The following GRXCR2 variants were observed in gnomAD, a reference collection of about 807,000 sequenced individuals.
The protein encoded by GRXCR2 is glutaredoxin domain-containing cysteine-rich protein 2.
GRXCR2 carries 23 observed loss-of-function variants against 24.8 expected under a neutral mutation model. That is an observed-to-expected ratio of 0.93 (90% CI 0.67 to 1.32). The LOEUF is 1.32. Among genes scored for constraint, GRXCR2 ranks in the 40% most tolerant of loss-of-function variants. GRXCR2 has a pLI of 0.00. For synonymous variants in GRXCR2, 130 were observed against 116.1 expected, an observed-to-expected ratio of 1.12 and a Z score of -0.77; for missense variants, 315 against 303.4, an observed-to-expected ratio of 1.04 and a Z score of -0.28.
intron 2 of GRXCR2, among the ~76,000 whole-genome samples, chr5:145,884,463 G>A (rs937621652): frequency 1.3e-5 from 2 of 152,126 alleles, no homozygotes; most frequent in African/African-American, 2.4e-5. Context: ...TCTTAGGCAA[G>A]ATAATGTTAT....
chr5:145,891,921 C>A (rs923943223), intron 2 of GRXCR2, among the ~76,000 whole-genome samples: 1 of 152,140 alleles, frequency 6.6e-6, no homozygotes, highest in Non-Finnish European at 1.5e-5. Context: ...GCCGGGTACT[C>A]CTCTGAGACA....
At chr5:145,876,535 A>G (rs1052454666), upstream of GRXCR2, among the ~76,000 whole-genome samples, 85 of 152,224 alleles carry the variant, frequency 5.6e-4, no homozygotes, top group African/African-American at 2.0e-3. Context: ...TAAATAACCA[A>G]TAGCCTATCT....
rs376962233 is a variant in GRXCR2 at position 145,869,542 on chromosome 5, T to C, written c.337-2814A>G. On this transcript the variant is annotated intron_variant, in intron 1 of 2. Transcript: ENST00000377976. ...TGTGCCAGGCACAATGCTAAGAGCT[T>C]CTTTCTCTCTCTCTCTCTTTTTTTT... Among the ~76,000 whole-genome samples the C allele has an allele frequency of 4.7e-5, 7 of 149,748 alleles. No individual in the cohort carries two copies. In the East Asian group the frequency reaches 7.8e-4, roughly 17 times the overall value.
chr5:145,927,349 GATA>G (rs1440801065), intron 2 of GRXCR2, among the ~76,000 whole-genome samples: 6 of 152,150 alleles, frequency 3.9e-5, no homozygotes, highest in Admixed American at 3.3e-4. Context: ...CATTCAGTAT[GATA>G]TTGGCTGTGG....
chr5:145,888,022 TTG>T (rs1229253649), intron 2 of GRXCR2, among the ~76,000 whole-genome samples: 1 of 152,254 alleles, frequency 6.6e-6, no homozygotes, highest in Non-Finnish European at 1.5e-5. Flanking sequence ...AAAGTTATAT[TTG>T]CAGGTAATTG....
chr5:145,890,039 AC>A (rs752406435), intron 2 of GRXCR2, among the ~76,000 whole-genome samples: 69 of 152,346 alleles, frequency 4.5e-4, no homozygotes, highest in Non-Finnish European at 8.5e-4. Context: ...TAAAGACCAG[AC>A]TTTTGAACTA....
At chr5:145,869,017 G>A (rs1756480117) in intron 1 of GRXCR2, among the ~76,000 whole-genome samples, 1 of 152,244 alleles carries the variant, frequency 6.6e-6, no homozygotes, top group South Asian at 2.1e-4. Context: ...GGCAACCTGT[G>A]TGATTGAGCA....
At chr5:145,930,564 A>G (rs1757465014) in intron 2 of GRXCR2, among the ~76,000 whole-genome samples, 1 of 152,210 alleles carries the variant, frequency 6.6e-6, no homozygotes, top group African/African-American at 2.4e-5. Flanking sequence ...AAAATAAATT[A>G]TTTCAATTAA....
intron 2 of GRXCR2, among the ~76,000 whole-genome samples, chr5:145,885,681 A>G (rs1302189329): frequency 6.6e-6 from 1 of 152,210 alleles, no homozygotes; most frequent in Non-Finnish European, 1.5e-5. Flanking sequence ...TACTTTGTCA[A>G]TCTCCACTGA....
intron 2 of GRXCR2, among the ~76,000 whole-genome samples, chr5:145,889,238 A>AAGAG (rs1756827657): frequency 1.3e-5 from 2 of 149,032 alleles, no homozygotes; most frequent in Admixed American, 6.7e-5. Context: ...GAAAGAAAGA[A>AAGAG]AGAAAGAATT....
At chr5:145,902,761 A>G (rs376782245) in intron 2 of GRXCR2, among the ~76,000 whole-genome samples, 5 of 152,230 alleles carry the variant, frequency 3.3e-5, no homozygotes, top group African/African-American at 9.6e-5. Flanking sequence ...TGAGCATTTA[A>G]GTGTCAGGCA....
intron 2 of GRXCR2, among the ~76,000 whole-genome samples, chr5:145,894,565 C>G (rs1408400338): frequency 6.6e-6 from 1 of 152,140 alleles, no homozygotes; most frequent in Non-Finnish European, 1.5e-5. Flanking sequence ...CACATACACC[C>G]TCCCAAGAAT....
chr5:145,918,063 C>A (rs1008236168), intron 2 of GRXCR2, among the ~76,000 whole-genome samples: 1 of 152,172 alleles, frequency 6.6e-6, no homozygotes, highest in African/African-American at 2.4e-5. Flanking sequence ...TAGGCGTGAG[C>A]CACTGTGCTC....
chr5:145,927,105 C>T (rs1278665775), intron 2 of GRXCR2, among the ~76,000 whole-genome samples: 2 of 152,112 alleles, frequency 1.3e-5, no homozygotes, highest in Non-Finnish European at 2.9e-5. Context: ...CTGAAGTTGC[C>T]TATCAGCTTA....
intron 2 of GRXCR2, among the ~76,000 whole-genome samples, chr5:145,884,628 G>GA (rs5871945): frequency 0.12 from 17,431 of 147,902 alleles, 3,097 homozygotes; most frequent in African/African-American, 0.39. Flanking sequence ...AAGTAAAAAT[G>GA]AAAAAAAAAA....
chr5:145,894,307 G>A (rs1442790010), intron 2 of GRXCR2, among the ~76,000 whole-genome samples: 2 of 151,878 alleles, frequency 1.3e-5, no homozygotes, highest in African/African-American at 4.9e-5. Flanking sequence ...AGGAAATAGA[G>A]ACACAAAAAC....
intron 2 of GRXCR2, 98 bp from the exon 3 acceptor site, chr5:145,860,013 A>G (rs1027813660): frequency 2.1e-6 from 2 of 962,888 alleles, no homozygotes; most frequent in Non-Finnish European, 1.5e-6. Flanking sequence ...AGGCTGGGGC[A>G]GAATAGAGGA....
chr5:145,863,126 T>G lies in GRXCR2; in HGVS notation c.565-3211A>C, dbSNP rs529992138. Among the ~76,000 whole-genome samples the G allele has an allele frequency of 5.3e-5, 8 of 152,358 alleles. No individual in the cohort carries two copies. The East Asian group carries it at 1.5e-3, about 29-fold the overall frequency. On this transcript the variant is annotated intron_variant, in intron 2 of 2. Coordinates refer to ENST00000377976, the MANE Select transcript of GRXCR2 (RefSeq NM_001080516.2). ...TATTCCTATCCACTTCTTTGATAGT[T>G]AATACAGAAGCTCAAACCTGGCCGG... is the stretch of plus-strand genomic sequence containing the variant.
intron 2 of GRXCR2, among the ~76,000 whole-genome samples, chr5:145,925,134 G>T (rs1400095041): frequency 6.6e-6 from 1 of 152,100 alleles, no homozygotes; most frequent in East Asian, 1.9e-4. Context: ...TACCATTCCG[G>T]TCTCACAGAT....
Sources: gnomAD v4.1 joint callset for allele counts (sites outside exome capture counted in the v4.1 genomes callset) on GRCh38, gnomAD v4.1.1 for gene constraint, MANE v1.5 for transcripts, NCBI Gene and HGNC (gene_info 2026-07-23, HGNC 2026-07-21) for gene names.